Variants in PDE3B observed in about 807,000 individuals in gnomAD.
PDE3B encodes phosphodiesterase 3B, also known as cGMP-inhibited 3',5'-cyclic phosphodiesterase 3B.
In PDE3B, 66 loss-of-function variants were observed where a neutral mutation model predicts 116.8. That is an observed-to-expected ratio of 0.56 (90% CI 0.46 to 0.69). The LOEUF is 0.69. Among genes scored for constraint, PDE3B ranks in the 30% least tolerant of loss-of-function variants. PDE3B has a pLI of 0.00. For missense variants in PDE3B, 1,384 were observed against 1,368.1 expected (o/e 1.01, Z -0.18); for synonymous variants, 595 against 533.6 (o/e 1.12, Z -1.59).
At chr11:14,671,427 A>G (rs1660387162) in intron 1 of PDE3B, among the ~76,000 whole-genome samples, 1 of 152,098 alleles carries the variant, frequency 6.6e-6, no homozygotes, top group African/African-American at 2.4e-5. Flanking sequence ...TTAGAAAGCA[A>G]ACTGGGTGGC....
chr11:14,819,566 G>T (rs1859448848), intron 7 of PDE3B, among the ~76,000 whole-genome samples: 1 of 152,030 alleles, frequency 6.6e-6, no homozygotes, highest in Non-Finnish European at 1.5e-5. Context: ...TTTAAAGTGT[G>T]GTTAATTATA....
intron 11 of PDE3B, among the ~76,000 whole-genome samples, chr11:14,841,363 A>AATATATATATGAATTATATATATTCAT (rs1860218539): frequency 6.1e-5 from 9 of 147,282 alleles, no homozygotes; most frequent in African/African-American, 1.7e-4. Context: ...ATATATATAA[A>AATATATATATGAATTATATATATTCAT]ATATATATAT....
intron 14 of PDE3B, 51 bp from the exon 15 acceptor site, chr11:14,867,455 T>C: frequency 6.5e-7 from 1 of 1,537,910 alleles, no homozygotes; most frequent in Non-Finnish European, 8.9e-7. Context: ...CAAAGCTCAG[T>C]GGTGGTTCTT....
chr11:14,657,127 A>G (rs1322301579), intron 1 of PDE3B, among the ~76,000 whole-genome samples: 1 of 152,220 alleles, frequency 6.6e-6, no homozygotes, highest in Non-Finnish European at 1.5e-5. Context: ...TGCTACAGTC[A>G]TAATTTACTG....
At chr11:14,898,488 T>C in the PDE3B span, among the ~76,000 whole-genome samples, 2 of 152,112 alleles carry the variant, frequency 1.3e-5, no homozygotes, top group Non-Finnish European at 2.9e-5. Flanking sequence ...CGTGACCTGA[T>C]ATAGAAAAGT....
At chr11:14,818,516 G>A (rs1048020852) in intron 6 of PDE3B, 123 bp downstream of exon 6, 2 of 635,554 alleles carry the variant, frequency 3.1e-6, no homozygotes, top group African/African-American at 1.8e-5. Flanking sequence ...TTTTTTCGGT[G>A]TTATAATGAA....
At chr11:14,648,972 G>A (rs1370641719) in intron 1 of PDE3B, among the ~76,000 whole-genome samples, 4 of 152,062 alleles carry the variant, frequency 2.6e-5, no homozygotes, top group African/African-American at 9.7e-5. Flanking sequence ...TATAAGCTGA[G>A]AACAAATTAT....
chr11:14,896,534 CCAAA>C, the PDE3B span, among the ~76,000 whole-genome samples: 1 of 152,112 alleles, frequency 6.6e-6, no homozygotes, highest in Non-Finnish European at 1.5e-5. Flanking sequence ...TTTCAAGATG[CCAAA>C]CATTTTTGTT....
rs896335280 is a variant in PDE3B at position 14,716,176 on chromosome 11, C to T, written c.979-55761C>T. Among the ~76,000 whole-genome samples the T allele has an allele frequency of 5.1e-4, 77 of 152,186 alleles. 1 individual carries two copies. The highest frequency in any genetic ancestry group is 1.8e-3 in the African/African-American group (75 of 41,456). Reference sequence around the variant, plus strand: ...GGGGTGACGGACGCACCTGGAAAATCGGGTCACTCCCACCCGAATACTGCG... The same window carrying T: ...GGGGTGACGGACGCACCTGGAAAATTGGGTCACTCCCACCCGAATACTGCG... On this transcript the variant is annotated intron_variant, in intron 1 of 15. Coordinates refer to ENST00000282096, the MANE Select transcript of PDE3B (RefSeq NM_000922.4).
chr11:14,716,154 GTGACGGACGCACC>G (rs1477673659), intron 1 of PDE3B, among the ~76,000 whole-genome samples: 4 of 152,198 alleles, frequency 2.6e-5, no homozygotes, highest in African/African-American at 9.6e-5. Flanking sequence ...AAAGAAAGGG[GTGACGGACGCACC>G]TGGAAAATCG....
intron 1 of PDE3B, among the ~76,000 whole-genome samples, chr11:14,676,278 G>A (rs541321452): frequency 2.0e-5 from 3 of 152,250 alleles, no homozygotes; most frequent in Admixed American, 6.5e-5. Flanking sequence ...TTTCGTCATT[G>A]TGCAAACATC....
At chr11:14,718,036 C>T (rs970769080) in intron 1 of PDE3B, among the ~76,000 whole-genome samples, 65 of 150,616 alleles carry the variant, frequency 4.3e-4, no homozygotes, top group South Asian at 8.5e-4. Flanking sequence ...ATCTCATGTG[C>T]AGAGACACAC....
rs184089527 is a variant in PDE3B, at chr11:14,850,626, G to C, written c.2520+6600G>C. Among the ~76,000 whole-genome samples, 714 of 152,116 alleles carry C rather than the reference G, an allele frequency of 4.7e-3. 4 individuals carry two copies. Among genetic ancestry groups the C allele is most frequent in the African/African-American group, 0.016 (651 of 41,482 alleles). On this transcript the variant is annotated intron_variant, in intron 12 of 15. Coordinates refer to ENST00000282096, the MANE Select transcript of PDE3B (RefSeq NM_000922.4). ...CCTTAAGATTTGCCTTAATACCAGA[G>C]CTAAAATCTCTTACTTCTGAATATA...
intron 4 of PDE3B, among the ~76,000 whole-genome samples, chr11:14,803,285 C>A (rs967069734): frequency 2.6e-5 from 4 of 152,148 alleles, no homozygotes; most frequent in Non-Finnish European, 5.9e-5. Context: ...TGAAGAATGA[C>A]TGAGCATTGA....
chr11:14,855,069 T>A (rs1847824091), intron 12 of PDE3B, among the ~76,000 whole-genome samples: 1 of 152,170 alleles, frequency 6.6e-6, no homozygotes, highest in Non-Finnish European at 1.5e-5. Context: ...CTAAAAATAT[T>A]ACTGCAGGAA....
In PDE3B at chr11:14,807,741, G is replaced by A. The variant is rs866736071; in HGVS notation, c.1522+3691G>A. Reference sequence around the variant, plus strand: ...GTTTTCAACAAAAATTGGACTTTACGCTCCAATTAAAAGACAAAGATTAGG... The same window carrying A: ...GTTTTCAACAAAAATTGGACTTTACACTCCAATTAAAAGACAAAGATTAGG... On this transcript the variant is annotated intron_variant, in intron 5 of 15. Transcript: ENST00000282096. 5.9e-5 allele frequency among the ~76,000 whole-genome samples: 9 copies of A among 151,928 alleles called. No homozygotes were observed. The South Asian group carries it at 1.0e-3, about 18-fold the overall frequency.
chr11:14,795,160 T>C (rs1473210637), intron 4 of PDE3B, among the ~76,000 whole-genome samples: 1 of 152,162 alleles, frequency 6.6e-6, no homozygotes, highest in African/African-American at 2.4e-5. Context: ...GGTTGGGTAG[T>C]GGGGCTGAAA....
the PDE3B span, among the ~76,000 whole-genome samples, chr11:14,877,160 C>T: frequency 6.6e-6 from 1 of 152,028 alleles, no homozygotes; most frequent in Admixed American, 6.6e-5. Context: ...ATATACATTC[C>T]AGTTTGTTTA....
chr11:14,880,466 C>T, the PDE3B span: 1 of 1,613,424 alleles, frequency 6.2e-7, no homozygotes, highest in Non-Finnish European at 8.5e-7. Flanking sequence ...AAGACTGAGG[C>T]ACTGGCAGCT....
Sources: gnomAD v4.1 joint callset for allele counts (sites outside exome capture counted in the v4.1 genomes callset) on GRCh38, gnomAD v4.1.1 for gene constraint, MANE v1.5 for transcripts, NCBI Gene and HGNC (gene_info 2026-07-23, HGNC 2026-07-21) for gene names.